The following UBE2V2 variants were observed in gnomAD, a reference collection of about 807,000 sequenced individuals.
UBE2V2 encodes ubiquitin conjugating enzyme E2 V2.
UBE2V2 carries 9 observed loss-of-function variants against 17.2 expected under a neutral mutation model. That is an observed-to-expected ratio of 0.52 (90% CI 0.32 to 0.91). The LOEUF (loss-of-function observed/expected upper bound fraction) is 0.91. UBE2V2 is among the 40% of genes least tolerant of loss of function. UBE2V2 has a pLI of 0.04. For synonymous variants in UBE2V2, 61 were observed against 57.5 expected, an observed-to-expected ratio of 1.06 and a Z score of -0.28; for missense variants, 133 against 182.6, an observed-to-expected ratio of 0.73 and a Z score of 1.56.
chr8:48,046,183 C>T (rs1488779340), intron 2 of UBE2V2, among the ~76,000 whole-genome samples: 4 of 151,764 alleles, frequency 2.6e-5, no homozygotes, highest in Non-Finnish European at 5.9e-5. Flanking sequence ...GCAGTGGCGC[C>T]ATCTCGGCTC....
chr8:48,015,036 C>T (rs113385950), intron 1 of UBE2V2, among the ~76,000 whole-genome samples: 55 of 134,712 alleles, frequency 4.1e-4, no homozygotes, highest in African/African-American at 1.4e-3. Flanking sequence ...AGTGACAGAG[C>T]GAGACTCCAT....
chr8:48,059,090 A>G (rs1802543877), intron 3 of UBE2V2, among the ~76,000 whole-genome samples: 1 of 151,712 alleles, frequency 6.6e-6, no homozygotes, highest in Non-Finnish European at 1.5e-5. Context: ...TTATATATTT[A>G]TAAATACAAA....
At chr8:48,031,227 C>A (rs984562740) in intron 1 of UBE2V2, among the ~76,000 whole-genome samples, 6 of 151,752 alleles carry the variant, frequency 4.0e-5, no homozygotes, top group Non-Finnish European at 5.9e-5. Flanking sequence ...CAAACAAACC[C>A]CCCCCAACAA....
At chr8:48,002,324 T>C in the UBE2V2 span, among the ~76,000 whole-genome samples, 1 of 152,174 alleles carries the variant, frequency 6.6e-6, no homozygotes, top group South Asian at 2.1e-4. Context: ...ATGTGGCATA[T>C]ATGTACACAG....
intron 1 of UBE2V2, among the ~76,000 whole-genome samples, chr8:48,008,733 A>G (rs2091204878): frequency 6.6e-6 from 1 of 150,862 alleles, no homozygotes; most frequent in Non-Finnish European, 1.5e-5. Context: ...GCGCCCCCGT[A>G]GGTTCCGGCG....
upstream of UBE2V2, among the ~76,000 whole-genome samples, chr8:48,004,873 G>A (rs1015982503): frequency 1.3e-5 from 2 of 151,680 alleles, no homozygotes; most frequent in African/African-American, 4.8e-5. Flanking sequence ...CTGTTGCCCA[G>A]GCTGTATTAC....
chr8:48,059,565 C>T (rs907603714), intron 3 of UBE2V2, among the ~76,000 whole-genome samples: 2 of 152,014 alleles, frequency 1.3e-5, no homozygotes, highest in Non-Finnish European at 2.9e-5. Flanking sequence ...CGTGCCACCA[C>T]ACCTGGCTAA....
chr8:48,035,659 G>GTGTGTGTA (rs1181021534), intron 1 of UBE2V2, among the ~76,000 whole-genome samples: 2 of 119,014 alleles, frequency 1.7e-5, no homozygotes, highest in Admixed American at 1.7e-4. Context: ...GTGTGTGTGT[G>GTGTGTGTA]TATATGTATG....
chr8:48,000,753 C>T, the UBE2V2 span, among the ~76,000 whole-genome samples: 82 of 134,636 alleles, frequency 6.1e-4, no homozygotes, highest in African/African-American at 2.0e-3. Flanking sequence ...ACCCAGGAGG[C>T]GGAGCCTGCA....
rs1011454537 is a variant in UBE2V2, at chr8:48,009,271, T to C, written c.16+801T>C. ...TCTGCCTTTTTCTTTTCTTTTCTTT[T>C]TTTTTTTTTTTTTGAGTCAGAGGCT... On this transcript the variant is annotated intron_variant, in intron 1 of 3. Coordinates refer to ENST00000523111, the MANE Select transcript of UBE2V2 (RefSeq NM_003350.3). 1.4e-4 allele frequency among the ~76,000 whole-genome samples: 21 copies of C among 148,738 alleles called. 1 individual carries two copies. The highest frequency in any genetic ancestry group is 3.0e-5 in the Non-Finnish European group (2 of 67,358).
upstream of UBE2V2, chr8:48,008,377 C>A (rs777242213): frequency 1.2e-5 from 18 of 1,531,142 alleles, no homozygotes; most frequent in East Asian, 5.0e-4. Flanking sequence ...GTGACGCGTG[C>A]AGGGCGGCGC....
chr8:48,015,644 C>G (rs1035947508), intron 1 of UBE2V2, among the ~76,000 whole-genome samples: 1 of 152,140 alleles, frequency 6.6e-6, no homozygotes, highest in African/African-American at 2.4e-5. Flanking sequence ...AATCCCCACC[C>G]CCGTAACCCC....
chr8:48,025,345 G>T (rs1214329143), intron 1 of UBE2V2, among the ~76,000 whole-genome samples: 1 of 151,144 alleles, frequency 6.6e-6, no homozygotes, highest in Non-Finnish European at 1.5e-5. Context: ...TCGGCTCACT[G>T]CAACTTGTGC....
At chr8:48,009,915 T>C (rs2091215813) in intron 1 of UBE2V2, among the ~76,000 whole-genome samples, 1 of 152,234 alleles carries the variant, frequency 6.6e-6, no homozygotes, top group Non-Finnish European at 1.5e-5. Context: ...CTGTGCTTGC[T>C]GAAATCTAAT....
intron 1 of UBE2V2, among the ~76,000 whole-genome samples, chr8:48,029,790 C>A (rs2154507285): frequency 6.6e-6 from 1 of 152,290 alleles, no homozygotes; most frequent in African/African-American, 2.4e-5. Context: ...GTTTTTACCT[C>A]ATAAACAGTG....
intron 1 of UBE2V2, among the ~76,000 whole-genome samples, chr8:48,009,602 T>A (rs2091214224): frequency 1.3e-5 from 2 of 152,050 alleles, no homozygotes; most frequent in Admixed American, 6.6e-5. Flanking sequence ...GAAACAAGAG[T>A]ATAGAGCAGT....
the UBE2V2 span, among the ~76,000 whole-genome samples, chr8:48,000,696 C>T: frequency 6.6e-6 from 1 of 151,862 alleles, no homozygotes; most frequent in African/African-American, 2.4e-5. Flanking sequence ...GAGGCGGGCA[C>T]CTGTAGTCCC....
intron 1 of UBE2V2, among the ~76,000 whole-genome samples, chr8:48,010,880 ATATTTTTTTTG>A (rs1190129253): frequency 7.1e-6 from 1 of 140,522 alleles, no homozygotes; most frequent in Admixed American, 7.2e-5. Flanking sequence ...TTGTATATAT[ATATTTTTTTTG>A]TATTTTTTTT....
At chr8:48,001,949 CGTG>C in the UBE2V2 span, among the ~76,000 whole-genome samples, 1 of 151,998 alleles carries the variant, frequency 6.6e-6, no homozygotes, top group African/African-American at 2.4e-5. Flanking sequence ...ATGAGCCGGA[CGTG>C]GTGGCGCATG....
Sources: gnomAD v4.1 joint callset for allele counts (sites outside exome capture counted in the v4.1 genomes callset) on GRCh38, gnomAD v4.1.1 for gene constraint, MANE v1.5 for transcripts, NCBI Gene and HGNC (gene_info 2026-07-23, HGNC 2026-07-21) for gene names.